CNGB3: variants seen among roughly 807,000 people sequenced by gnomAD.
CNGB3 encodes the protein cyclic nucleotide gated channel subunit beta 3.
In CNGB3, 86 loss-of-function variants were observed where a neutral mutation model predicts 92.8. That is an observed-to-expected ratio of 0.93 (90% CI 0.78 to 1.11). CNGB3 has a LOEUF of 1.11. Among genes scored for constraint, CNGB3 ranks in the 50% least tolerant of loss-of-function variants. The pLI, the probability that CNGB3 is intolerant of heterozygous loss-of-function variation, is 0.00. For missense variants in CNGB3, 1,026 were observed against 956.8 expected, an observed-to-expected ratio of 1.07 and a Z score of -0.95; for synonymous variants, 333 against 332.7, an observed-to-expected ratio of 1.00 and a Z score of -0.01.
intron 15 of CNGB3, among the ~76,000 whole-genome samples, chr8:86,581,523 G>A (rs1046391688): frequency 5.3e-5 from 8 of 152,094 alleles, no homozygotes; most frequent in Non-Finnish European, 1.0e-4. Flanking sequence ...TCTCCATACC[G>A]CAGGCCTACT....
intron 7 of CNGB3, among the ~76,000 whole-genome samples, chr8:86,653,215 AT>A (rs1372417359): frequency 1.3e-5 from 2 of 152,116 alleles, no homozygotes; most frequent in Non-Finnish European, 2.9e-5. Flanking sequence ...AATAAGCTTT[AT>A]GGCATTACAA....
chr8:86,635,820 TGA>T (rs1491484913), intron 10 of CNGB3, among the ~76,000 whole-genome samples: 36 of 62,114 alleles, frequency 5.8e-4, no homozygotes, highest in South Asian at 6.6e-4. Flanking sequence ...GTATAACACA[TGA>T]TATATATATA....
chr8:86,632,653 A>G (rs781753628), intron 11 of CNGB3, 99 bp downstream of exon 11: 5 of 1,276,792 alleles, frequency 3.9e-6, no homozygotes, highest in South Asian at 1.3e-5. Flanking sequence ...AAAAAGAAGA[A>G]CCAGACAGAT....
At chr8:86,629,209 T>A (rs1822912053) in intron 11 of CNGB3, 131 bp from the exon 12 acceptor site, 3 of 1,095,890 alleles carry the variant, frequency 2.7e-6, no homozygotes. Context: ...TTCATTCATT[T>A]TTATTTTATT....
At chr8:86,645,421 T>G in intron 8 of CNGB3, among the ~76,000 whole-genome samples, 1 of 151,384 alleles carries the variant, frequency 6.6e-6, no homozygotes, top group Middle Eastern at 3.4e-3. Flanking sequence ...ACTGTGTAAC[T>G]GTGGAAAAGT....
intron 3 of CNGB3, among the ~76,000 whole-genome samples, chr8:86,698,616 G>A (rs540033244): frequency 1.3e-5 from 2 of 152,314 alleles, no homozygotes; most frequent in East Asian, 3.9e-4. Context: ...GAGGTAGTAG[G>A]TAATTTGTGT....
At chr8:86,629,592 T>C (rs749163607) in intron 11 of CNGB3, among the ~76,000 whole-genome samples, 7 of 152,194 alleles carry the variant, frequency 4.6e-5, no homozygotes, top group Non-Finnish European at 8.8e-5. Context: ...TGGCTGGCTA[T>C]ATAGACTCAA....
At chr8:86,590,977 C>G (rs894698946) in intron 15 of CNGB3, among the ~76,000 whole-genome samples, 5 of 152,192 alleles carry the variant, frequency 3.3e-5, no homozygotes, top group African/African-American at 1.2e-4. Context: ...TCAGGTACAC[C>G]AATCAGACGT....
At chr8:86,674,131 A>G (rs1254139657) in intron 3 of CNGB3, among the ~76,000 whole-genome samples, 1 of 152,228 alleles carries the variant, frequency 6.6e-6, no homozygotes, top group Non-Finnish European at 1.5e-5. Context: ...ATAAAAAGCT[A>G]TGTTGAATGT....
At chr8:86,658,956 C>G in intron 6 of CNGB3, 1 of 1,077,836 alleles carries the variant, frequency 9.3e-7, no homozygotes, top group Admixed American at 1.7e-5. Context: ...GAGACTCAAG[C>G]CCTCATTGTC....
At chr8:86,599,876 T>G (rs1392131528) in intron 15 of CNGB3, among the ~76,000 whole-genome samples, 1 of 151,964 alleles carries the variant, frequency 6.6e-6, no homozygotes, top group East Asian at 1.9e-4. Context: ...GCTTGTGATA[T>G]TCTATTACCT....
intron 13 of CNGB3, among the ~76,000 whole-genome samples, chr8:86,615,319 G>T (rs1368971131): frequency 6.6e-6 from 1 of 152,086 alleles, no homozygotes; most frequent in Admixed American, 6.6e-5. Context: ...ATAAACTACA[G>T]ATCGGCCGGG....
At chr8:86,701,608 A>T (rs1465814247) in intron 3 of CNGB3, among the ~76,000 whole-genome samples, 1 of 152,238 alleles carries the variant, frequency 6.6e-6, no homozygotes, top group African/African-American at 2.4e-5. Flanking sequence ...ACCATGCAAT[A>T]ATGCATTTGT....
intron 10 of CNGB3, among the ~76,000 whole-genome samples, chr8:86,643,105 C>T (rs1823222830): frequency 6.6e-6 from 1 of 151,584 alleles, no homozygotes; most frequent in Non-Finnish European, 1.5e-5. Flanking sequence ...GATACACACA[C>T]ACACACACAC....
rs189655288 is a variant in CNGB3, at chr8:86,650,033, A to C, written c.904-2146T>G. 2.9e-3 allele frequency among the ~76,000 whole-genome samples: 443 copies of C among 151,638 alleles called. 6 individuals are homozygous for C. The highest frequency in any genetic ancestry group is 0.01 in the African/African-American group (419 of 41,500). The stretch of plus-strand genomic sequence containing the variant: ...AAGAAGTTATACAAATGGCCAAAAA[A>C]CATGAAAAAAATGCCCCCCCGCCCA... On this transcript the variant is annotated intron_variant, in intron 7 of 17. Coordinates refer to ENST00000320005, the MANE Select transcript of CNGB3 (RefSeq NM_019098.5).
chr8:86,642,336 T>C (rs1261411421), intron 10 of CNGB3, among the ~76,000 whole-genome samples: 2 of 151,852 alleles, frequency 1.3e-5, no homozygotes, highest in African/African-American at 4.8e-5. Flanking sequence ...GATAAATTAG[T>C]TGTTTATATC....
intron 6 of CNGB3, chr8:86,658,451 C>A: frequency 2.4e-6 from 1 of 411,204 alleles, no homozygotes. Flanking sequence ...GGGTCTCCTG[C>A]AACCCTTGGC....
chr8:86,631,301 T>TGA (rs1478726587), intron 11 of CNGB3, among the ~76,000 whole-genome samples: 2 of 152,212 alleles, frequency 1.3e-5, no homozygotes, highest in African/African-American at 4.8e-5. Flanking sequence ...GATTACACTA[T>TGA]GAGTAACAAG....
At chr8:86,742,292 A>G (rs1825356473) in intron 1 of CNGB3, among the ~76,000 whole-genome samples, 1 of 152,194 alleles carries the variant, frequency 6.6e-6, no homozygotes, top group African/African-American at 2.4e-5. Flanking sequence ...TATTTGTGAC[A>G]TTGTATGAGT....
Sources: gnomAD v4.1 joint callset for allele counts (sites outside exome capture counted in the v4.1 genomes callset) on GRCh38, gnomAD v4.1.1 for gene constraint, MANE v1.5 for transcripts, NCBI Gene and HGNC (gene_info 2026-07-23, HGNC 2026-07-21) for gene names.